The following ME1 variants were observed in gnomAD, a reference collection of about 807,000 sequenced individuals.
ME1 encodes malic enzyme 1.
Under a neutral mutation model 66.4 loss-of-function variants are expected in ME1, and 74 were observed. That is an observed-to-expected ratio of 1.11 (90% CI 0.92 to 1.35). ME1 has a LOEUF of 1.35. ME1 is among the 40% of genes most tolerant of loss of function. ME1 has a pLI of 0.00. For missense variants in ME1, 750 were observed against 694.1 expected (o/e 1.08, Z -0.90); for synonymous variants, 251 against 235.6 (o/e 1.07, Z -0.60).
chr6:83,406,143 A>G (rs188014879), intron 2 of ME1, among the ~76,000 whole-genome samples: 1 of 152,294 alleles, frequency 6.6e-6, no homozygotes, highest in East Asian at 1.9e-4. Context: ...ATTGATTTGC[A>G]TATGTCGAAC....
At chr6:83,276,184 G>T (rs1767180424) in intron 6 of ME1, among the ~76,000 whole-genome samples, 1 of 152,128 alleles carries the variant, frequency 6.6e-6, no homozygotes, top group South Asian at 2.1e-4. Flanking sequence ...GATGCAGTTG[G>T]CTAGCATTTA....
At chr6:83,264,977 T>C (rs190258984) in intron 6 of ME1, among the ~76,000 whole-genome samples, 3 of 152,336 alleles carry the variant, frequency 2.0e-5, no homozygotes, top group Non-Finnish European at 2.9e-5. Flanking sequence ...TGCTGTCAAA[T>C]AGCATTGCAT....
intron 2 of ME1, among the ~76,000 whole-genome samples, chr6:83,401,333 T>C (rs539510954): frequency 5.9e-5 from 9 of 152,054 alleles, no homozygotes; most frequent in Non-Finnish European, 1.2e-4. Context: ...AGACCCTTTC[T>C]CAAAATAATA....
At chr6:83,281,155 A>C (rs1471579812) in intron 6 of ME1, among the ~76,000 whole-genome samples, 2 of 152,242 alleles carry the variant, frequency 1.3e-5, no homozygotes, top group Non-Finnish European at 2.9e-5. Context: ...TTGTGAAAAA[A>C]TACTTCAAAG....
intron 3 of ME1, chr6:83,392,784 A>C: frequency 1.4e-6 from 1 of 693,356 alleles, no homozygotes; most frequent in Non-Finnish European, 2.6e-6. Flanking sequence ...TCATCTCTGC[A>C]CCCTCTGCTG....
chr6:83,275,463 TC>T (rs1296345916), intron 6 of ME1, among the ~76,000 whole-genome samples: 35 of 144,184 alleles, frequency 2.4e-4, no homozygotes, highest in Admixed American at 1.2e-3. Flanking sequence ...ATAGTTTTGA[TC>T]TTTTTTTTTT....
chr6:83,319,221 T>A (rs1442252769), intron 5 of ME1, among the ~76,000 whole-genome samples: 1 of 151,104 alleles, frequency 6.6e-6, no homozygotes, highest in Admixed American at 6.6e-5. Flanking sequence ...AGTTAGTGGG[T>A]GCAGCGCACC....
chr6:83,213,729 C>T (rs926752935), intron 13 of ME1, among the ~76,000 whole-genome samples: 1 of 152,036 alleles, frequency 6.6e-6, no homozygotes, highest in Admixed American at 6.6e-5. Flanking sequence ...AGTCTGATTT[C>T]AAAGAATATC....
intron 2 of ME1, among the ~76,000 whole-genome samples, chr6:83,402,426 C>T (rs1346862060): frequency 1.3e-5 from 2 of 152,130 alleles, no homozygotes; most frequent in Non-Finnish European, 2.9e-5. Flanking sequence ...GTCTTCATTC[C>T]AAACGGAAGA....
At chr6:83,238,887 AG>A (rs1445735075) in intron 8 of ME1, among the ~76,000 whole-genome samples, 2 of 150,770 alleles carry the variant, frequency 1.3e-5, no homozygotes, top group Non-Finnish European at 3.0e-5. Flanking sequence ...TTTTCCCATA[AG>A]AAACTCAAAC....
At chr6:83,396,135 G>A (rs964515961) in intron 3 of ME1, among the ~76,000 whole-genome samples, 16 of 152,026 alleles carry the variant, frequency 1.1e-4, no homozygotes, top group African/African-American at 3.6e-4. Context: ...AGGCTGAGGC[G>A]GGTGGATCAC....
At chr6:83,383,029 G>A (rs901436555) in intron 3 of ME1, among the ~76,000 whole-genome samples, 1 of 151,830 alleles carries the variant, frequency 6.6e-6, no homozygotes, top group Non-Finnish European at 1.5e-5. Flanking sequence ...CCGAAAAAGA[G>A]GAAATTCTGC....
chr6:83,355,734 G>T (rs947900501), intron 3 of ME1, among the ~76,000 whole-genome samples: 7 of 151,530 alleles, frequency 4.6e-5, no homozygotes, highest in Admixed American at 4.6e-4. Context: ...CATACTTTCT[G>T]GTACACAGTT....
intron 2 of ME1, among the ~76,000 whole-genome samples, chr6:83,399,720 G>C (rs935612901): frequency 6.6e-6 from 1 of 152,154 alleles, no homozygotes; most frequent in East Asian, 1.9e-4. Context: ...AACGTAAACT[G>C]CTCAGTTCAA....
chr6:83,299,609 T>C (rs991068376), intron 6 of ME1, among the ~76,000 whole-genome samples: 21 of 152,180 alleles, frequency 1.4e-4, no homozygotes, highest in African/African-American at 4.8e-4. Context: ...TCTTGCCTGA[T>C]TGCCCTGGCC....
intron 5 of ME1, among the ~76,000 whole-genome samples, chr6:83,334,113 C>A (rs1044787233): frequency 9.2e-5 from 14 of 152,156 alleles, no homozygotes; most frequent in Non-Finnish European, 2.1e-4. Context: ...GTGCGTGCAC[C>A]GTGCGCGAGC....
At chr6:83,269,085 T>C (rs1767040917) in intron 6 of ME1, among the ~76,000 whole-genome samples, 1 of 152,184 alleles carries the variant, frequency 6.6e-6, no homozygotes, top group Non-Finnish European at 1.5e-5. Flanking sequence ...GGTCCTTTCC[T>C]TAGATATCTG....
chr6:83,361,397 A>T (rs1379757484), intron 3 of ME1, among the ~76,000 whole-genome samples: 4 of 152,184 alleles, frequency 2.6e-5, no homozygotes, highest in African/African-American at 9.7e-5. Context: ...TGGGTGTATT[A>T]CTCCAGCCCA....
chr6:83,352,234 T>G (rs1583396224), intron 3 of ME1, 95 bp from the exon 4 acceptor site: 1 of 673,342 alleles, frequency 1.5e-6, no homozygotes, highest in East Asian at 3.2e-5. Context: ...AAACAACAAT[T>G]TAATTTATCT....
Sources: allele counts gnomAD v4.1 joint callset (sites outside exome capture counted in the v4.1 genomes callset), GRCh38; gene constraint gnomAD v4.1.1; transcripts MANE v1.5; gene names NCBI Gene and HGNC (gene_info 2026-07-23, HGNC 2026-07-21).